The following FLT4 variants were observed in gnomAD, a reference collection of about 807,000 sequenced individuals.
The protein encoded by FLT4 is fms related receptor tyrosine kinase 4.
A neutral mutation model predicts 163.2 loss-of-function variants in FLT4; 30 were observed. That is an observed-to-expected ratio of 0.18 (90% CI 0.14 to 0.25). The LOEUF is 0.25. Among genes scored for constraint, FLT4 ranks in the 10% least tolerant of loss-of-function variants. The pLI is 1.00. For synonymous variants in FLT4, 884 were observed against 789.5 expected (o/e 1.12, Z -2.01); for missense variants, 1,510 against 1,863.8 (o/e 0.81, Z 3.50).
At chr5:180,618,702 G>GTTACCCTAGA (rs1762866217) in intron 21 of FLT4, 68 bp downstream of exon 21, 1 of 1,538,300 alleles carries the variant, frequency 6.5e-7, no homozygotes, top group Non-Finnish European at 8.8e-7. Flanking sequence ...CCCAGGCTGG[G>GTTACCCTAGA]GTGCCTGATC....
Position 180,648,832 on chromosome 5 carries a change from G to A in FLT4, c.58+656C>T, listed in dbSNP as rs570888858. Among the ~76,000 whole-genome samples, 456 of 152,302 alleles carry A rather than the reference G, an allele frequency of 3.0e-3. 2 individuals are homozygous for A. Among genetic ancestry groups the A allele is most frequent in the African/African-American group, 0.011 (440 of 41,572 alleles). ...CGAGGCCCCTGTCCCCTCAAATCCG[G>A]GGACCCCTGGCCTTCCGCCCCTTCT... On this transcript the variant is annotated intron_variant, in intron 1 of 29. Coordinates refer to ENST00000261937, the MANE Select transcript of FLT4 (RefSeq NM_182925.5).
chr5:180,617,097 C>G (rs1005961182), intron 21 of FLT4, 103 bp from the exon 22 acceptor site: 10 of 836,092 alleles, frequency 1.2e-5, no homozygotes, highest in East Asian at 2.6e-5. Flanking sequence ...CTCTCCTGCC[C>G]CTCAGACTCT....
In FLT4 at chr5:180,636,717, C is replaced by T. The variant is rs960706331; in HGVS notation, c.59-4939G>A. On this transcript the variant is annotated intron_variant, in intron 1 of 29. Coordinates refer to ENST00000261937, the MANE Select transcript of FLT4 (RefSeq NM_182925.5). The surrounding 1 kb of genome is among the most constrained non-coding windows in gnomAD (Gnocchi z 4.3). ...TGGACCTGGTCATCACCAGAGACCG[C>T]GCCATCCCGGAACACCTGTCTTCTA... 2.9e-4 allele frequency among the ~76,000 whole-genome samples: 44 copies of T among 152,192 alleles called. No individual in the cohort carries two copies. Among genetic ancestry groups the T allele is most frequent in the Admixed American group, 5.9e-4 (9 of 15,290 alleles).
chr5:180,617,007 G>A lies in FLT4; in HGVS notation c.3002-13C>T, dbSNP rs1478240674. On this transcript the variant is annotated splice_polypyrimidine_tract_variant and intron_variant, in intron 21 of 29. Coordinates refer to ENST00000261937, the MANE Select transcript of FLT4 (RefSeq NM_182925.5). ...CACAGGTCCTCAGCTACACAGTGGA[G>A]CCAGGTGGGCTCAGGAGGCGCCTCC... 1 of 1,607,744 alleles carries A rather than the reference G, an allele frequency of 6.2e-7. No individual in the cohort carries two copies. Among genetic ancestry groups the A allele is most frequent in the Admixed American group, 1.7e-5 (1 of 59,996 alleles).
intron 18 of FLT4, 143 bp from the exon 19 acceptor site, chr5:180,619,509 G>T (rs138317583): frequency 1.0e-6 from 1 of 956,924 alleles, no homozygotes; most frequent in Non-Finnish European, 1.7e-6. Context: ...GGTTCGGGTG[G>T]TCCCTCGGCT....
chr5:180,616,330 C>G lies in FLT4; in HGVS notation c.3219+37G>C, dbSNP rs55657009. 0.047 allele frequency: 76,098 copies of G among 1,613,180 alleles called. 2,152 individuals carry two copies. Among genetic ancestry groups the G allele is most frequent in the East Asian group, 0.1 (4,556 of 44,874 alleles). On this transcript the variant is annotated intron_variant, in intron 23 of 29. Coordinates refer to ENST00000261937, the MANE Select transcript of FLT4 (RefSeq NM_182925.5). ...TGTGGTCCCACCCCTTCACCTGTTC[C>G]GCCCCACGTTCCCTCTCCTCAATGG...
intron 29 of FLT4, among the ~76,000 whole-genome samples, chr5:180,608,613 G>A (rs1387212146): frequency 6.6e-6 from 1 of 152,192 alleles, no homozygotes; most frequent in Non-Finnish European, 1.5e-5. Flanking sequence ...GAGCCACTGG[G>A]TGAAGTTCCG....
In FLT4 at chr5:180,612,546, A is replaced by G. The variant is rs769042845; in HGVS notation, c.3497T>C (p.Val1166Ala). ...CTGGAGCAGGTCCCCCAGGATCTCC[A>G]CCAGCTCCGAGAATGCAGGTCTCGC... ...PKARPAFSELVEILGDLLQGR... is the reference protein window; with the variant it reads ...PKARPAFSELAEILGDLLQGR... Residue 1166 changes from valine to alanine, a missense_variant, in exon 26 of 30, where the codon GTG becomes GCG. By Grantham distance (64) the Val-to-Ala change is moderately conservative. Coordinates refer to ENST00000261937, the MANE Select transcript of FLT4 (RefSeq NM_182925.5). 11 of 1,613,964 alleles carry G rather than the reference A, an allele frequency of 6.8e-6. No individual in the cohort carries two copies. The highest frequency in any genetic ancestry group is 8.5e-6 in the Non-Finnish European group (10 of 1,179,930).
chr5:180,645,417 C>T (rs971732465), intron 1 of FLT4, among the ~76,000 whole-genome samples: 4 of 152,222 alleles, frequency 2.6e-5, no homozygotes, highest in African/African-American at 9.6e-5. Flanking sequence ...GCAGGACGAG[C>T]GGCGTTATCA....
chr5:180,629,611 A>G, intron 6 of FLT4, 85 bp downstream of exon 6: 1 of 1,526,494 alleles, frequency 6.6e-7, no homozygotes, highest in Non-Finnish European at 8.9e-7. Context: ...GGGCCCACAC[A>G]TCCTCCACGC....
intron 26 of FLT4, 112 bp from the exon 27 acceptor site, chr5:180,611,591 C>T: frequency 2.5e-6 from 3 of 1,183,098 alleles, no homozygotes; most frequent in Non-Finnish European, 3.6e-6. Context: ...CCGCCCTCAG[C>T]CCTCGCCCCC....
chr5:180,632,402 C>T (rs1764252393), intron 1 of FLT4, among the ~76,000 whole-genome samples: 1 of 151,942 alleles, frequency 6.6e-6, no homozygotes, highest in African/African-American at 2.4e-5. Context: ...CTGCCCCAGC[C>T]TCCTCCGGGC....
rs766702663 is a variant in FLT4 at position 180,612,489 on chromosome 5, G to A, written c.3537+17C>T. 1.9e-6 allele frequency: 3 copies of A among 1,585,282 alleles called. No homozygotes were observed. The highest frequency in any genetic ancestry group is 2.6e-6 in the Non-Finnish European group (3 of 1,153,842). ...GGGCCAAAGGCCATAGTAGAACAGGGTGGGGAAGGGGCTCACTTGCAGGCC... is the reference window on the plus strand; with the variant it reads ...GGGCCAAAGGCCATAGTAGAACAGGATGGGGAAGGGGCTCACTTGCAGGCC... On this transcript the variant is annotated intron_variant, in intron 26 of 29. Coordinates refer to ENST00000261937, the MANE Select transcript of FLT4 (RefSeq NM_182925.5).
intron 10 of FLT4, among the ~76,000 whole-genome samples, chr5:180,624,526 C>T (rs751823596): frequency 8.5e-5 from 13 of 152,202 alleles, no homozygotes; most frequent in Non-Finnish European, 1.9e-4. Context: ...CCGAGCCCGG[C>T]CTGTTTCTGG....
Position 180,616,973 on chromosome 5 carries a change from G to A in FLT4, c.3023C>T (p.Pro1008Leu), listed in dbSNP as rs149033942. ...DQEAEDLWLS[P>L]LTMEDLVCYS... The stretch of plus-strand genomic sequence containing the variant: ...GCAGACAAGATCTTCCATGGTCAGC[G>A]GGCTCAGCCACAGGTCCTCAGCTAC... Residue 1008 changes from proline (P) to leucine (L), a missense_variant, in exon 22 of 30, where the codon CCG becomes CTG. Pro to Leu is a moderately conservative substitution (Grantham distance 98, BLOSUM62 -3). Transcript: ENST00000261937. 9.8e-4 allele frequency: 1,579 copies of A among 1,613,096 alleles called. 1 individual carries two copies. Among genetic ancestry groups the A allele is most frequent in the Non-Finnish European group, 1.3e-3 (1,521 of 1,179,910 alleles).
intron 1 of FLT4, among the ~76,000 whole-genome samples, chr5:180,646,204 C>T (rs1765483582): frequency 6.6e-6 from 1 of 152,158 alleles, no homozygotes; most frequent in Non-Finnish European, 1.5e-5. Context: ...CTGCTCCTCT[C>T]CCAGGGTCTC....
chr5:180,622,233 C>G (rs1177843007), intron 12 of FLT4, among the ~76,000 whole-genome samples: 1 of 150,652 alleles, frequency 6.6e-6, no homozygotes, highest in African/African-American at 2.5e-5. Context: ...CCTGTGGCCC[C>G]CCAGCCCCCG....
chr5:180,608,899 C>T (rs1761959555), intron 29 of FLT4, 69 bp downstream of exon 29: 13 of 1,361,514 alleles, frequency 9.5e-6, no homozygotes, highest in Non-Finnish European at 1.4e-5. Flanking sequence ...ACACCCAGAC[C>T]CCAGCCTCCC....
chr5:180,619,362 G>T lies in FLT4; in HGVS notation c.2652C>A (p.Gly884=). The T allele has an allele frequency of 6.2e-7, 1 of 1,607,362 alleles. No individual in the cohort carries two copies. The stretch of plus-strand genomic sequence containing the variant: ...GCGCGCGGTGCTCGCTGGCCGTGGC[G>T]CCCTCTGGAGGGGACACGGGCCTCA... ...DTVAVKMLKE[G]ATASEHRALM... Residue 884 remains glycine, a synonymous_variant, in exon 19 of 30, where the codon GGC becomes GGA. Coordinates refer to ENST00000261937, the MANE Select transcript of FLT4 (RefSeq NM_182925.5).
Sources: allele counts gnomAD v4.1 joint callset (sites outside exome capture counted in the v4.1 genomes callset), GRCh38; gene constraint gnomAD v4.1.1; non-coding constraint Gnocchi (gnomAD v3.1); transcripts MANE v1.5; gene names NCBI Gene and HGNC (gene_info 2026-07-23, HGNC 2026-07-21).